TBC1D9B: variants seen among roughly 807,000 people sequenced by gnomAD.
TBC1D9B encodes the protein TBC1 domain family member 9B.
A neutral mutation model predicts 121.1 loss-of-function variants in TBC1D9B; 87 were observed. The ratio of observed to expected loss-of-function variants is 0.72; its 90% CI spans 0.60 to 0.86. The LOEUF (loss-of-function observed/expected upper bound fraction) is 0.86. Among genes scored for constraint, TBC1D9B ranks in the 40% least tolerant of loss-of-function variants. TBC1D9B has a pLI of 0.00. For missense variants in TBC1D9B, 1,540 were observed against 1,628.6 expected, an observed-to-expected ratio of 0.95 and a Z score of 0.94; for synonymous variants, 668 against 670.1, an observed-to-expected ratio of 1.00 and a Z score of 0.05.
intron 2 of TBC1D9B, among the ~76,000 whole-genome samples, chr5:179,900,657 A>G (rs371451165): frequency 5.0e-4 from 76 of 152,222 alleles, no homozygotes; most frequent in African/African-American, 1.6e-3. Flanking sequence ...ACTGTTTTAC[A>G]TGTTTCTGTT....
chr5:179,879,204 G>C lies in TBC1D9B; in HGVS notation c.1417-7C>G. ...CTTTCATCTTCTCCTTGGCCTGAGGGAAAAGCGCATCAGGGAGCCTGGGGG... is the reference window on the plus strand; with the variant it reads ...CTTTCATCTTCTCCTTGGCCTGAGGCAAAAGCGCATCAGGGAGCCTGGGGG... On this transcript the variant is annotated splice_region_variant and splice_polypyrimidine_tract_variant and intron_variant, in intron 8 of 20. Coordinates refer to ENST00000355235, the MANE Select transcript of TBC1D9B (RefSeq NM_015043.4). The C allele has an allele frequency of 6.3e-7, 1 of 1,597,824 alleles. No homozygotes were observed. The highest frequency in any genetic ancestry group is 1.1e-5 in the South Asian group (1 of 90,146).
At chr5:179,877,684 GAA>G (rs1760400269) in intron 10 of TBC1D9B, among the ~76,000 whole-genome samples, 1 of 136,188 alleles carries the variant, frequency 7.3e-6, no homozygotes, top group African/African-American at 2.9e-5. Context: ...AAAAAAAAAA[GAA>G]AAGAAAAGAA....
At chr5:179,873,017 TC>T in intron 13 of TBC1D9B, 27 bp from the exon 14 acceptor site, 2 of 1,613,826 alleles carry the variant, frequency 1.2e-6, no homozygotes, top group Non-Finnish European at 1.7e-6. Flanking sequence ...CTTGGTGAGA[TC>T]AAGCCAACTG....
chr5:179,899,379 G>C, intron 2 of TBC1D9B, 72 bp from the exon 3 acceptor site: 1 of 1,334,828 alleles, frequency 7.5e-7, no homozygotes, highest in South Asian at 1.2e-5. Context: ...TCAAAGAAGC[G>C]AGATGAAAGT....
At position 179,906,064 on chromosome 5, in the gene TBC1D9B, G is replaced by A. The variant is rs150946768; in HGVS notation, c.119-1252C>T. 1.2e-4 allele frequency among the ~76,000 whole-genome samples: 19 copies of A among 152,334 alleles called. No individual in the cohort carries two copies. The East Asian group carries it at 3.1e-3, about 25-fold the overall frequency. ...CTGGATAAATTTTATATTTTTAGTAGAGACGGGGTTTTGCCATGTTGGCCA... is the reference window on the plus strand; with the variant it reads ...CTGGATAAATTTTATATTTTTAGTAAAGACGGGGTTTTGCCATGTTGGCCA... On this transcript the variant is annotated intron_variant, in intron 1 of 20. Coordinates refer to ENST00000355235, the MANE Select transcript of TBC1D9B (RefSeq NM_015043.4).
chr5:179,906,400 C>T (rs761005940), intron 1 of TBC1D9B, among the ~76,000 whole-genome samples: 113 of 152,278 alleles, frequency 7.4e-4, no homozygotes, highest in Non-Finnish European at 5.3e-4. Flanking sequence ...GTACAGAGAC[C>T]GGGCTGCACC....
chr5:179,881,946 G>GTTTTTTTTTTTTTTTTTTTT lies in TBC1D9B; in HGVS notation c.1255-2158_1255-2157insAAAAAAAAAAAAAAAAAAAA, dbSNP rs796278508. On this transcript the variant is annotated intron_variant, in intron 7 of 20. Coordinates refer to ENST00000355235, the MANE Select transcript of TBC1D9B (RefSeq NM_015043.4). ...TTCCATATCTTTCCATATACCTTCC[G>GTTTTTTTTTTTTTTTTTTTT]TTTTTTTTTTTTTTTTGAGATGGAG... Among the ~76,000 whole-genome samples, 83 of 128,270 alleles carry GTTTTTTTTTTTTTTTTTTTT rather than the reference G, an allele frequency of 6.5e-4. 8 individuals carry two copies. Among genetic ancestry groups the GTTTTTTTTTTTTTTTTTTTT allele is most frequent in the African/African-American group, 2.5e-3 (75 of 29,952 alleles). The allele number at this position is 128,270 out of a possible 152,430, so 84.2% of individuals were successfully genotyped here.
chr5:179,871,530 C>T lies in TBC1D9B; in HGVS notation c.2416G>A (p.Val806Ile). The T allele has an allele frequency of 6.2e-7, 1 of 1,612,600 alleles. No homozygotes were observed. The highest frequency in any genetic ancestry group is 8.5e-7 in the Non-Finnish European group (1 of 1,179,360). ...CCAATGTCCACAGGTATAGCTCGGA[C>T]CTAGAAGGAAGGAGAAACAGGGTAT... is the stretch of plus-strand genomic sequence containing the variant. The part of the protein sequence containing the change: ...SLEDTAKRSV[V>I]RAIPVDIGFS... The change falls in exon 15 of 21, where the codon GTC (valine) becomes ATC (isoleucine). Residue 806 changes from valine (V) to isoleucine (I), a missense_variant and splice_region_variant. Transcript: ENST00000355235.
Position 179,893,204 on chromosome 5 carries a change from C to T in TBC1D9B, c.836+5G>A, listed in dbSNP as rs369598908. On this transcript the variant is annotated splice_donor_5th_base_variant and intron_variant, in intron 5 of 20. Transcript: ENST00000355235. ...AGCCCACCCCAGCCCTGGAGGGCAACGCACCGCTTCAGGGCTGAGATGTTC... is the reference window on the plus strand; with the variant it reads ...AGCCCACCCCAGCCCTGGAGGGCAATGCACCGCTTCAGGGCTGAGATGTTC... The T allele has an allele frequency of 8.1e-6, 13 of 1,599,340 alleles. No individual in the cohort carries two copies. Among genetic ancestry groups the T allele is most frequent in the East Asian group, 6.7e-5 (3 of 44,618 alleles).
In TBC1D9B at chr5:179,863,731, T is replaced by G. The variant is rs1203046050; in HGVS notation, c.3419A>C (p.Tyr1140Ser). 1.2e-6 allele frequency: 2 copies of G among 1,613,284 alleles called. No homozygotes were observed. The highest frequency in any genetic ancestry group is 1.7e-6 in the Non-Finnish European group (2 of 1,179,926). The change falls in exon 21 of 21, where the codon TAC becomes TCC. Residue 1140 changes from tyrosine to serine, a missense_variant. Physicochemically the swap from Tyr to Ser is moderately radical, Grantham distance 144 (BLOSUM62 -2). Transcript: ENST00000355235. The surrounding 1 kb of genome is among the most constrained non-coding windows in gnomAD (Gnocchi z 4.5). Reference sequence around the variant, plus strand: ...CAGGGAGCCCGTGCTGACCACCGAGTAGGAGGACATGGACATGTCGTCTTT... The same window carrying G: ...CAGGGAGCCCGTGCTGACCACCGAGGAGGAGGACATGGACATGTCGTCTTT... ...ETKDDMSMSS[Y>S]SVVSTGSLQC...
At position 179,872,916 on chromosome 5, in the gene TBC1D9B, C is replaced by T; in HGVS notation, c.2391G>A (p.Leu797=). 6.2e-7 allele frequency: 1 copy of T among 1,613,926 alleles called. No individual in the cohort carries two copies. Among genetic ancestry groups the T allele is most frequent in the Non-Finnish European group, 8.5e-7 (1 of 1,180,010 alleles). The part of the protein sequence containing the change: ...FKQRLKVIQS[L]EDTAKRSVVR... ...CCACACTCCTCTTGGCCGTGTCCTC[C>T]AAGGACTGGATCACTTTCAGCCTCT... The change falls in exon 14 of 21, where the codon TTG becomes TTA. Residue 797 remains leucine (L), a synonymous_variant. Transcript: ENST00000355235.
intron 3 of TBC1D9B, among the ~76,000 whole-genome samples, chr5:179,898,452 CTTTT>C (rs573849305): frequency 6.8e-6 from 1 of 146,312 alleles, no homozygotes; most frequent in African/African-American, 2.5e-5. Flanking sequence ...CGCACCTGGC[CTTTT>C]TTTTTTAATT....
chr5:179,899,457 G>C (rs973161511), intron 2 of TBC1D9B, 150 bp from the exon 3 acceptor site: 7 of 637,150 alleles, frequency 1.1e-5, no homozygotes, highest in Non-Finnish European at 1.9e-5. Flanking sequence ...TAAGCTGATG[G>C]ATATGTGCAT....
intron 7 of TBC1D9B, among the ~76,000 whole-genome samples, chr5:179,880,991 C>T (rs1177158288): frequency 2.0e-5 from 3 of 152,168 alleles, no homozygotes; most frequent in East Asian, 1.9e-4. Context: ...GAGGATCACA[C>T]ATCTCAGTGC....
At chr5:179,896,316 T>C (rs1339634796) in intron 3 of TBC1D9B, among the ~76,000 whole-genome samples, 2 of 152,208 alleles carry the variant, frequency 1.3e-5, no homozygotes, top group Non-Finnish European at 2.9e-5. Context: ...AGAACCTAAA[T>C]GGGGAGAAGG....
At chr5:179,868,107 AGCTCACT>A (rs1760076133) in intron 17 of TBC1D9B, 1 of 304,492 alleles carries the variant, frequency 3.3e-6, no homozygotes, top group South Asian at 1.3e-4. Context: ...ACATGATCTC[AGCTCACT>A]GCAAGCTCCG....
chr5:179,869,704 C>T, intron 17 of TBC1D9B, 65 bp downstream of exon 17: 1 of 1,573,330 alleles, frequency 6.4e-7, no homozygotes, highest in South Asian at 1.1e-5. Flanking sequence ...AGAGGCCTGT[C>T]CTCTGCAGCT....
rs1192934107 is a variant in TBC1D9B, at chr5:179,899,321, G to C, written c.230-14C>G. 1 of 1,608,232 alleles carries C rather than the reference G, an allele frequency of 6.2e-7. No homozygotes were observed. The highest frequency in any genetic ancestry group is 1.1e-5 in the South Asian group (1 of 90,296). ...TGCGGGAAGAACCTAGAAGAGGTTT[G>C]GTAAAGTAAAAGAAAAATCATGAAT... On this transcript the variant is annotated splice_polypyrimidine_tract_variant and intron_variant, in intron 2 of 20. Coordinates refer to ENST00000355235, the MANE Select transcript of TBC1D9B (RefSeq NM_015043.4).
Position 179,871,420 on chromosome 5 carries a change from A to AG in TBC1D9B, c.2484+41dup, listed in dbSNP as rs770862280. The stretch of plus-strand genomic sequence containing the variant: ...TCCATTTCTTTTCTGGCAGGAAGCT[A>AG]GGAAGCTAGGAACGGGTCCTGCCCT... On this transcript the variant is annotated intron_variant, in intron 15 of 20. Transcript: ENST00000355235. 2.5e-6 allele frequency: 4 copies of AG among 1,591,794 alleles called. No individual in the cohort carries two copies. The African/African-American group carries it at 5.4e-5, about 21-fold the overall frequency.
Sources: gnomAD v4.1 joint callset for allele counts (sites outside exome capture counted in the v4.1 genomes callset) on GRCh38, gnomAD v4.1.1 for gene constraint, Gnocchi (gnomAD v3.1) non-coding constraint, MANE v1.5 for transcripts, NCBI Gene and HGNC (gene_info 2026-07-23, HGNC 2026-07-21) for gene names.